GOPC: variants seen among roughly 807,000 people sequenced by gnomAD.
GOPC encodes golgi associated PDZ and coiled-coil motif containing.
In GOPC, 32 loss-of-function variants were observed where a neutral mutation model predicts 51.2. That is an observed-to-expected ratio of 0.63 (90% CI 0.47 to 0.84). The LOEUF (loss-of-function observed/expected upper bound fraction) is 0.84, where lower values mean the gene tolerates loss of function less well. Ranked by LOEUF, GOPC falls within the 40% of genes least tolerant of loss-of-function variation. The pLI is 0.00. For missense variants in GOPC, 441 were observed against 555.5 expected, an observed-to-expected ratio of 0.79 and a Z score of 2.07; for synonymous variants, 190 against 205.1, an observed-to-expected ratio of 0.93 and a Z score of 0.63.
intron 1 of GOPC, among the ~76,000 whole-genome samples, chr6:117,596,975 G>C (rs1392825548): frequency 1.3e-5 from 2 of 152,124 alleles, no homozygotes; most frequent in African/African-American, 4.8e-5. Context: ...ATTGCTTTTG[G>C]TGGTATGGTC....
At chr6:117,601,477 G>T (rs759427302) in intron 1 of GOPC, among the ~76,000 whole-genome samples, 7 of 152,208 alleles carry the variant, frequency 4.6e-5, no homozygotes, top group Non-Finnish European at 1.0e-4. Context: ...AACCGAGACA[G>T]TGATACTATC....
chr6:117,595,320 C>T lies in GOPC; in HGVS notation c.285+6684G>A, dbSNP rs146988566. Among the ~76,000 whole-genome samples, 583 of 152,272 alleles carry T rather than the reference C, an allele frequency of 3.8e-3. 6 individuals carry two copies. Among genetic ancestry groups the T allele is most frequent in the African/African-American group, 0.013 (522 of 41,538 alleles). On this transcript the variant is annotated intron_variant, in intron 1 of 8. Transcript: ENST00000368498. ...AGGTCAAAAGGGAGTGCCATAACTGCGGTTTCATTCCAATGCCTCTCTAGG... is the reference window on the plus strand; with the variant it reads ...AGGTCAAAAGGGAGTGCCATAACTGTGGTTTCATTCCAATGCCTCTCTAGG...
chr6:117,598,211 AT>A lies in GOPC; in HGVS notation c.285+3792del, dbSNP rs762212134. ...CCATCTCTACTAAAAAAAAAAAAAA[AT>A]AAAATAGAAAAATTAGCTGAGTATA... On this transcript the variant is annotated intron_variant, in intron 1 of 8. Transcript: ENST00000368498. Among the ~76,000 whole-genome samples, 192 of 147,714 alleles carry A rather than the reference AT, an allele frequency of 1.3e-3. 6 individuals are homozygous for A. The highest frequency in any genetic ancestry group is 2.7e-3 in the African/African-American group (110 of 40,492).
At chr6:117,578,570 G>C (rs774341278) in intron 2 of GOPC, among the ~76,000 whole-genome samples, 2 of 151,800 alleles carry the variant, frequency 1.3e-5, no homozygotes, top group African/African-American at 2.4e-5. Flanking sequence ...ATGTTACTTG[G>C]GATTTCTGTT....
chr6:117,600,141 G>A (rs1486044725), intron 1 of GOPC, among the ~76,000 whole-genome samples: 3 of 152,200 alleles, frequency 2.0e-5, no homozygotes, highest in Non-Finnish European at 4.4e-5. Flanking sequence ...CAGATCTCGA[G>A]AAGTCGAGAG....
chr6:117,590,061 A>G (rs1209532329), intron 1 of GOPC, among the ~76,000 whole-genome samples: 1 of 152,240 alleles, frequency 6.6e-6, no homozygotes, highest in South Asian at 2.1e-4. Context: ...ATACATGAAT[A>G]TAGAGTCAAC....
chr6:117,570,324 A>C (rs1287905041), intron 6 of GOPC, among the ~76,000 whole-genome samples: 1 of 152,174 alleles, frequency 6.6e-6, no homozygotes, highest in African/African-American at 2.4e-5. Flanking sequence ...TACTAAAAAA[A>C]CAAATGATCT....
At chr6:117,580,925 A>T (rs1187722184) in intron 1 of GOPC, among the ~76,000 whole-genome samples, 1 of 152,180 alleles carries the variant, frequency 6.6e-6, no homozygotes, top group African/African-American at 2.4e-5. Context: ...GTGGATGTGC[A>T]ATGGAAGATT....
At chr6:117,567,870 C>T (rs901643810) in intron 7 of GOPC, among the ~76,000 whole-genome samples, 1 of 151,852 alleles carries the variant, frequency 6.6e-6, no homozygotes, top group African/African-American at 2.4e-5. Flanking sequence ...TACTGTCATT[C>T]TTTAACAATG....
At chr6:117,595,115 G>A (rs555347352) in intron 1 of GOPC, among the ~76,000 whole-genome samples, 22 of 152,236 alleles carry the variant, frequency 1.4e-4, no homozygotes, top group Admixed American at 3.9e-4. Context: ...AAGGAACAAG[G>A]CAGATACAAA....
rs1583055151 is a variant in GOPC at position 117,575,070 on chromosome 6, C to T, written c.650+107G>A. 4.7e-6 allele frequency: 4 copies of T among 855,314 alleles called. No individual in the cohort carries two copies. The East Asian group carries it at 1.1e-4, about 23-fold the overall frequency. 53.0% of individuals were successfully genotyped at this position (855,314 alleles called of 1,614,324 possible). ...CTCCAGCCTGGGCAACAGAGCAAGA[C>T]TCCATCTCAAAAAAATAAAAAATAA... On this transcript the variant is annotated intron_variant, in intron 4 of 8. Transcript: ENST00000368498.
In GOPC at chr6:117,575,325, CT is replaced by C. The variant is rs770215413; in HGVS notation, c.501del (p.Glu168LysfsTer3). 6.2e-7 allele frequency: 1 copy of C among 1,610,370 alleles called. No individual in the cohort carries two copies. The highest frequency in any genetic ancestry group is 2.2e-5 in the East Asian group (1 of 44,792). Reference protein sequence around the residue: ...ELERELEANKKEKMKEAQLEA... With the variant: ...ELERELEANKXEKMKEAQLEA... ...TCAAGTTGTGCTTCTTTCATTTTTT[CT>C]TTTTTGTTTGCCTCAAGCTCTCTTT... is the stretch of plus-strand genomic sequence containing the variant. On this transcript the variant is annotated frameshift_variant, in exon 4 of 9. Transcript: ENST00000368498. LOFTEE classifies it high-confidence loss of function.
At chr6:117,584,326 T>C (rs1489077186) in intron 1 of GOPC, among the ~76,000 whole-genome samples, 1 of 152,196 alleles carries the variant, frequency 6.6e-6, no homozygotes, top group Non-Finnish European at 1.5e-5. Context: ...GATTGAGGGC[T>C]CTGTCCTACA....
At chr6:117,600,865 G>A (rs562539071) in intron 1 of GOPC, among the ~76,000 whole-genome samples, 25 of 152,046 alleles carry the variant, frequency 1.6e-4, no homozygotes, top group Non-Finnish European at 3.1e-4. Flanking sequence ...AACAGTTCTC[G>A]CAGTGGAGAA....
In GOPC at chr6:117,582,428, A is replaced by C. The variant is rs543129828; in HGVS notation, c.286-3364T>G. Among the ~76,000 whole-genome samples the C allele has an allele frequency of 1.0e-3, 151 of 148,072 alleles. 3 individuals carry two copies. In the South Asian group the frequency reaches 0.022, roughly 21 times the overall value. ...TGAGAACTTCCATCCCTGTGTGCCC[A>C]CTCTCTCCCGACTGGTTCTTTCTGA... is the stretch of plus-strand genomic sequence containing the variant. On this transcript the variant is annotated intron_variant, in intron 1 of 8. Transcript: ENST00000368498.
rs1779563399 is a variant in GOPC, at chr6:117,560,491, C to T, written c.*2763G>A. The T allele has an allele frequency of 5.2e-6, 1 of 193,322 alleles. No homozygotes were observed. The highest frequency in any genetic ancestry group is 1.1e-5 in the Non-Finnish European group (1 of 92,328). 12.0% of individuals were successfully genotyped at this position (193,322 alleles called of 1,614,324 possible). Reference sequence around the variant, plus strand: ...AGGATGTCAAATACTGTGCATCTTACACATGAATCACATGAAACCTTTTTG... The same window carrying T: ...AGGATGTCAAATACTGTGCATCTTATACATGAATCACATGAAACCTTTTTG... On this transcript the variant is annotated 3_prime_UTR_variant, in exon 9 of 9. Coordinates refer to ENST00000368498, the MANE Select transcript of GOPC (RefSeq NM_020399.4).
In GOPC at chr6:117,570,569, C is replaced by T. The variant is rs141935342; in HGVS notation, c.912+291G>A. On this transcript the variant is annotated intron_variant, in intron 6 of 8. Coordinates refer to ENST00000368498, the MANE Select transcript of GOPC (RefSeq NM_020399.4). Reference sequence around the variant, plus strand: ...CATTTAACATAGAAGAAAACAGCCACGTCTATTCCCAAGGGCTCCTAGAGG... The same window carrying T: ...CATTTAACATAGAAGAAAACAGCCATGTCTATTCCCAAGGGCTCCTAGAGG... 6.5e-3 allele frequency among the ~76,000 whole-genome samples: 986 copies of T among 152,002 alleles called. 11 individuals carry two copies. Among genetic ancestry groups the T allele is most frequent in the African/African-American group, 0.022 (927 of 41,486 alleles).
At chr6:117,582,061 T>C (rs35765901) in intron 1 of GOPC, among the ~76,000 whole-genome samples, 6,322 of 152,204 alleles carry the variant, frequency 0.042, 215 homozygotes, top group Admixed American at 0.13. Flanking sequence ...TGCAGTGGTA[T>C]ATTGTTGTGG....
chr6:117,591,117 G>C (rs911818915), intron 1 of GOPC, among the ~76,000 whole-genome samples: 21 of 152,158 alleles, frequency 1.4e-4, no homozygotes, highest in African/African-American at 5.1e-4. Flanking sequence ...CTCCCAAAGT[G>C]CTGGGATTAC....
Sources: gnomAD v4.1 joint callset for allele counts (sites outside exome capture counted in the v4.1 genomes callset) on GRCh38, gnomAD v4.1.1 for gene constraint, MANE v1.5 for transcripts, NCBI Gene and HGNC (gene_info 2026-07-23, HGNC 2026-07-21) for gene names.